The following DHX16 variants were observed in gnomAD, a reference collection of about 807,000 sequenced individuals.
DHX16 encodes the protein pre-mRNA-splicing factor ATP-dependent RNA helicase DHX16.
A neutral mutation model predicts 131.2 loss-of-function variants in DHX16; 81 were observed. The observed-to-expected ratio is 0.62, with a 90% CI of 0.52 to 0.74. The LOEUF (loss-of-function observed/expected upper bound fraction) is 0.74. Among genes scored for constraint, DHX16 ranks in the 30% least tolerant of loss-of-function variants. The pLI is 0.00. For missense variants in DHX16, 980 were observed against 1,363.1 expected, an observed-to-expected ratio of 0.72 and a Z score of 4.43; for synonymous variants, 440 against 520.2, an observed-to-expected ratio of 0.85 and a Z score of 2.10.
Position 30,665,161 on chromosome 6 carries a change from A to G in DHX16, c.1035T>C (p.Asp345=). The change falls in exon 6 of 20, where the codon GAT becomes GAC. Residue 345 remains aspartate (D), a synonymous_variant. Transcript: ENST00000376442. The surrounding 1 kb of genome is among the most constrained non-coding windows in gnomAD (Gnocchi z 4.8). ...GATACTTGGGCTCCTGAGAGGCAGC[A>G]TCTCGGGCCCCAAACTTCAGGGACG... is the stretch of plus-strand genomic sequence containing the variant. ...GAASLKFGAR[D]AASQEPKYQL... is the part of the protein sequence containing the mutation. 6.2e-7 allele frequency: 1 copy of G among 1,613,412 alleles called. No individual in the cohort carries two copies. Among genetic ancestry groups the G allele is most frequent in the Non-Finnish European group, 8.5e-7 (1 of 1,179,932 alleles).
chr6:30,661,157 A>C (rs1768475116), intron 9 of DHX16, among the ~76,000 whole-genome samples: 1 of 152,100 alleles, frequency 6.6e-6, no homozygotes, highest in Non-Finnish European at 1.5e-5. Context: ...GGCTCACCGC[A>C]AGCTCCGCCT....
rs1768030135 is a variant in DHX16 at position 30,656,831 on chromosome 6, A to G, written c.2149-72T>C. 6.2e-7 allele frequency: 1 copy of G among 1,601,338 alleles called. No individual in the cohort carries two copies. The highest frequency in any genetic ancestry group is 1.3e-5 in the African/African-American group (1 of 74,672). On this transcript the variant is annotated intron_variant, in intron 13 of 19. Transcript: ENST00000376442. The surrounding 1 kb of genome is among the most constrained non-coding windows in gnomAD (Gnocchi z 5.1). Reference sequence around the variant, plus strand: ...AGAAAAAGGCAGTATTTATGCAAGAAATCTGGAAGGATGCAAACTGCTCAT... The same window carrying G: ...AGAAAAAGGCAGTATTTATGCAAGAGATCTGGAAGGATGCAAACTGCTCAT...
chr6:30,667,854 G>A (rs1263421684), intron 4 of DHX16, among the ~76,000 whole-genome samples: 1 of 152,112 alleles, frequency 6.6e-6, no homozygotes, highest in Non-Finnish European at 1.5e-5. Flanking sequence ...AGAAAGCACA[G>A]GGCAGAGAAG....
At chr6:30,657,357 G>C (rs1466693278) in intron 12 of DHX16, among the ~76,000 whole-genome samples, 1 of 151,580 alleles carries the variant, frequency 6.6e-6, no homozygotes, top group African/African-American at 2.4e-5. Context: ...ATGGGAAATG[G>C]GGGTGTTCAA....
intron 17 of DHX16, 41 bp downstream of exon 17, chr6:30,655,394 C>T: frequency 1.2e-6 from 2 of 1,613,874 alleles, no homozygotes; most frequent in Non-Finnish European, 1.7e-6. Flanking sequence ...GGACTAAAGT[C>T]CCCCAGTGTC....
At position 30,660,113 on chromosome 6, in the gene DHX16, G is replaced by A. The variant is rs1237191855; in HGVS notation, c.1674C>T (p.Ala558=). 1 of 1,612,294 alleles carries A rather than the reference G, an allele frequency of 6.2e-7. No individual in the cohort carries two copies. The highest frequency in any genetic ancestry group is 1.3e-5 in the African/African-American group (1 of 74,904). The stretch of plus-strand genomic sequence containing the variant: ...CGTCATCAAAGAAGGTGGAAAAACG[G>A]GCAGTGTCCATTGTGGCTGAAGCCA... ...VLVASATMDT[A]RFSTFFDDAP... Residue 558 remains alanine (A), a synonymous_variant, in exon 10 of 20, where the codon GCC becomes GCT. Transcript: ENST00000376442.
In DHX16 at chr6:30,665,125, C is replaced by A; in HGVS notation, c.1071G>T (p.Leu357=). 1 of 1,614,070 alleles carries A rather than the reference C, an allele frequency of 6.2e-7. No homozygotes were observed. The highest frequency in any genetic ancestry group is 8.5e-7 in the Non-Finnish European group (1 of 1,179,988). ...CAAACTCAATGGTCTCCTCCTCCTC[C>A]AGCACCAGTTGATACTTGGGCTCCT... ...ASQEPKYQLV[L]EEEETIEFVR... is the part of the protein sequence containing the mutation. Residue 357 remains leucine, a synonymous_variant, in exon 6 of 20, where the codon CTG becomes CTT. Transcript: ENST00000376442. This position sits in a 1 kb window ranked among gnomAD's most constrained non-coding sequence, Gnocchi z 4.8.
At position 30,671,386 on chromosome 6, in the gene DHX16, C is replaced by T. The variant is rs1371307351; in HGVS notation, c.208-112G>A. The T allele has an allele frequency of 7.0e-6, 7 of 1,006,404 alleles. No individual in the cohort carries two copies. The South Asian group carries it at 7.6e-5, about 11-fold the overall frequency. The allele number at this position is 1,006,404 out of a possible 1,614,324, so 62.3% of individuals were successfully genotyped here. A position where few individuals can be genotyped will look rare whatever the true frequency, so the allele number is the denominator to read the frequency against. On this transcript the variant is annotated intron_variant, in intron 1 of 19. Transcript: ENST00000376442. The stretch of plus-strand genomic sequence containing the variant: ...CTTAGTCTTTCCTGCCCCCGCGGCC[C>T]GGCCCCACTGTCAGGCAATGGCGTG...
At chr6:30,672,038 T>A (rs1011516180) in intron 1 of DHX16, among the ~76,000 whole-genome samples, 23 of 150,884 alleles carry the variant, frequency 1.5e-4, no homozygotes, top group African/African-American at 5.3e-4. Flanking sequence ...GGGCCGGGCA[T>A]GGTGGCTCAC....
rs1291336952 is a variant in DHX16 at position 30,656,504 on chromosome 6, G to A, written c.2317C>T (p.His773Tyr). 1 of 1,614,146 alleles carries A rather than the reference G, an allele frequency of 6.2e-7. No individual in the cohort carries two copies. Among genetic ancestry groups the A allele is most frequent in the East Asian group, 2.2e-5 (1 of 44,880 alleles). ...VVLLLKSLGIHDLMHFDFLDP... is the reference protein window; with the variant it reads ...VVLLLKSLGIYDLMHFDFLDP... The stretch of plus-strand genomic sequence containing the variant: ...AGGAAATCAAAGTGCATTAGGTCAT[G>A]GATCCCTAGAAAGAGGTGTGATGGA... The change falls in exon 15 of 20, where the codon CAT becomes TAT. Residue 773 changes from histidine to tyrosine, a missense_variant. His to Tyr is a moderately conservative substitution (Grantham distance 83). This residue lies in a region of DHX16 where 309 missense variants were observed against 537.1 expected (regional missense o/e 0.58). Coordinates refer to ENST00000376442, the MANE Select transcript of DHX16 (RefSeq NM_003587.5). This position sits in a 1 kb window ranked among gnomAD's most constrained non-coding sequence, Gnocchi z 5.1.
intron 4 of DHX16, among the ~76,000 whole-genome samples, chr6:30,669,381 T>C (rs1416170764): frequency 6.6e-6 from 1 of 151,766 alleles, no homozygotes; most frequent in Non-Finnish European, 1.5e-5. Context: ...TGAGCTGAGA[T>C]CGCACCACCA....
In DHX16 at chr6:30,662,088, C is replaced by T. The variant is rs921919020; in HGVS notation, c.1544+539G>A. On this transcript the variant is annotated intron_variant, in intron 9 of 19. Transcript: ENST00000376442. This position sits in a 1 kb window ranked among gnomAD's most constrained non-coding sequence, Gnocchi z 4.7. ...TTTCCAGCACTAAGAGCTCATTATT[C>T]ACAGACCAAGCTACCCAAGACTTGT... 1.8e-6 allele frequency: 1 copy of T among 554,946 alleles called. No individual in the cohort carries two copies. Among genetic ancestry groups the T allele is most frequent in the African/African-American group, 1.9e-5 (1 of 52,996 alleles). The allele number at this position is 554,946 out of a possible 1,614,324, so 34.4% of individuals were successfully genotyped here.
intron 1 of DHX16, among the ~76,000 whole-genome samples, 194 bp from the exon 2 acceptor site, chr6:30,671,468 C>T (rs1769546655): frequency 1.3e-5 from 2 of 152,192 alleles, no homozygotes; most frequent in Non-Finnish European, 2.9e-5. Flanking sequence ...CTGCCTCAGC[C>T]TCCCAAGTAG....
intron 1 of DHX16, 63 bp from the exon 2 acceptor site, chr6:30,671,337 C>T: frequency 6.8e-7 from 1 of 1,468,510 alleles, no homozygotes; most frequent in African/African-American, 1.4e-5. Flanking sequence ...TCCCACTTAG[C>T]TCTGTTCCTA....
intron 9 of DHX16, chr6:30,661,869 A>C: frequency 1.4e-6 from 1 of 717,964 alleles, no homozygotes; most frequent in South Asian, 1.5e-5. Context: ...GTTCTTAGAG[A>C]TCTTTTGCAA....
rs746228009 is a variant in DHX16, at chr6:30,670,380, G to C, written c.666+30C>G. On this transcript the variant is annotated intron_variant, in intron 4 of 19. Transcript: ENST00000376442. The surrounding 1 kb of genome is among the most constrained non-coding windows in gnomAD (Gnocchi z 4.4). The stretch of plus-strand genomic sequence containing the variant: ...CAGAAAGTCTTTCCTTTTGTCTTCT[G>C]ATCTTGGCTCCCTAGGCCCTGGGAC... 1 of 1,596,128 alleles carries C rather than the reference G, an allele frequency of 6.3e-7. No individual in the cohort carries two copies. Among genetic ancestry groups the C allele is most frequent in the Non-Finnish European group, 8.6e-7 (1 of 1,169,378 alleles).
intron 12 of DHX16, among the ~76,000 whole-genome samples, chr6:30,658,226 G>A (rs991308657): frequency 3.9e-5 from 6 of 152,092 alleles, no homozygotes; most frequent in Admixed American, 6.6e-5. Flanking sequence ...CCAACATGGC[G>A]AAACCCCATC....
rs1005124005 is a variant in DHX16 at position 30,656,859 on chromosome 6, C to T, written c.2148+93G>A. On this transcript the variant is annotated intron_variant, in intron 13 of 19. Transcript: ENST00000376442. The surrounding 1 kb of genome is among the most constrained non-coding windows in gnomAD (Gnocchi z 5.1). ...CTGGAAGGATGCAAACTGCTCATCC[C>T]GGTTCCCTAGGAAGCCCCCACCCTG... is the stretch of plus-strand genomic sequence containing the variant. 8.8e-6 allele frequency: 14 copies of T among 1,588,502 alleles called. No individual in the cohort carries two copies. The East Asian group carries it at 1.1e-4, about 13-fold the overall frequency.
Position 30,665,648 on chromosome 6 carries a change from G to A in DHX16, c.752C>T (p.Ala251Val). 1 of 1,612,694 alleles carries A rather than the reference G, an allele frequency of 6.2e-7. No individual in the cohort carries two copies. Residue 251 changes from alanine to valine, a missense_variant, in exon 5 of 20, where the codon GCT becomes GTT. By Grantham distance (64) the Ala-to-Val change is moderately conservative. Transcript: ENST00000376442. The surrounding 1 kb of genome is among the most constrained non-coding windows in gnomAD (Gnocchi z 4.8). ...EKLEDLEAEL[A>V]DEEFLFGDVE... ...GTCCCCAAAAAGGAACTCCTCATCAGCCAGCTCCGCCTCCAGGTCCTCAAG... is the reference window on the plus strand; with the variant it reads ...GTCCCCAAAAAGGAACTCCTCATCAACCAGCTCCGCCTCCAGGTCCTCAAG...
Sources: gnomAD v4.1 joint callset for allele counts (sites outside exome capture counted in the v4.1 genomes callset) on GRCh38, gnomAD v4.1.1 for gene constraint, gnomAD v4.1.1 regional missense constraint, Gnocchi (gnomAD v3.1) non-coding constraint, MANE v1.5 for transcripts, NCBI Gene and HGNC (gene_info 2026-07-23, HGNC 2026-07-21) for gene names.